Variants in RTL4 observed in about 807,000 individuals in gnomAD.
The protein encoded by RTL4 is retrotransposon Gag-like protein 4.
A neutral mutation model predicts 5.3 loss-of-function variants in RTL4; 4 were observed. The ratio of observed to expected loss-of-function variants is 0.75; its 90% CI spans 0.37 to 1.72. The LOEUF (loss-of-function observed/expected upper bound fraction) is 1.72. RTL4 is among the 40% of genes most tolerant of loss of function. The pLI is 0.04. For missense variants in RTL4, 260 were observed against 227.1 expected (o/e 1.14, Z -0.93); for synonymous variants, 98 against 87.3 (o/e 1.12, Z -0.68).
the RTL4 span, among the ~76,000 whole-genome samples, chrX:112,411,292 C>G: frequency 9.0e-6 from 1 of 111,175 alleles, no homozygotes. Context: ...AGACTTATAC[C>G]AATCCTAAGT....
the RTL4 span, among the ~76,000 whole-genome samples, chrX:112,414,584 G>C: frequency 5.4e-5 from 6 of 111,547 alleles, no homozygotes; most frequent in Middle Eastern, 4.6e-3. Flanking sequence ...CCTATGTAAG[G>C]TGAAATCCTT....
chrX:112,262,336 C>G, the RTL4 span, among the ~76,000 whole-genome samples: 1 of 110,631 alleles, frequency 9.0e-6, no homozygotes, highest in East Asian at 3.0e-4. Flanking sequence ...AGAACTCAAA[C>G]AAATTTACAA....
At chrX:112,328,200 A>G in the RTL4 span, among the ~76,000 whole-genome samples, 1 of 110,680 alleles carries the variant, frequency 9.0e-6, no homozygotes, top group African/African-American at 3.3e-5. Context: ...CAATTAAAAG[A>G]CACAGACTGG....
At chrX:112,098,486 T>G in the RTL4 span, among the ~76,000 whole-genome samples, 10 of 111,716 alleles carry the variant, frequency 9.0e-5, no homozygotes, top group South Asian at 3.8e-4. Context: ...GTAATGGGAC[T>G]GCTGGGTCAA....
chrX:112,356,722 A>G, the RTL4 span, among the ~76,000 whole-genome samples: 1 of 111,080 alleles, frequency 9.0e-6, no homozygotes, highest in Admixed American at 9.6e-5. Flanking sequence ...TCTTGTAAGT[A>G]ACTTTGCCTT....
the RTL4 span, among the ~76,000 whole-genome samples, chrX:112,236,232 C>A: frequency 1.9e-5 from 2 of 107,751 alleles, no homozygotes; most frequent in Non-Finnish European, 3.8e-5. Flanking sequence ...TTGCCTATTC[C>A]TATTTGCATT....
At chrX:112,328,926 T>A in the RTL4 span, among the ~76,000 whole-genome samples, 1 of 111,536 alleles carries the variant, frequency 9.0e-6, no homozygotes, top group Non-Finnish European at 1.9e-5. Context: ...CATAACGAAA[T>A]GAAGGCAAAA....
At chrX:112,427,979 A>G in the RTL4 span, among the ~76,000 whole-genome samples, 1 of 107,053 alleles carries the variant, frequency 9.3e-6, no homozygotes, top group Non-Finnish European at 1.9e-5. Flanking sequence ...ACACATTTGC[A>G]TCCTCATAGC....
chrX:112,089,764 A>G, the RTL4 span, among the ~76,000 whole-genome samples: 2 of 111,564 alleles, frequency 1.8e-5, no homozygotes, highest in Non-Finnish European at 3.8e-5. Context: ...GCAGATCAGC[A>G]TTTCCATTTC....
At chrX:112,141,909 A>C in the RTL4 span, among the ~76,000 whole-genome samples, 2 of 111,970 alleles carry the variant, frequency 1.8e-5, no homozygotes, top group Non-Finnish European at 3.8e-5. Context: ...GGGTTTTGGA[A>C]TCTTTATCAC....
At chrX:112,136,285 T>C in the RTL4 span, among the ~76,000 whole-genome samples, 2 of 111,881 alleles carry the variant, frequency 1.8e-5, no homozygotes, top group East Asian at 5.6e-4. Flanking sequence ...GAGATAATTG[T>C]CCTTCTTACT....
exon 1 of RTL4, chrX:112,456,343 G>A: frequency 3.2e-6 from 1 of 308,654 alleles, no homozygotes; most frequent in Non-Finnish European, 5.9e-6. Flanking sequence ...CAGATTGAAT[G>A]GGCATTTGAA....
chrX:112,254,738 A>G, the RTL4 span, among the ~76,000 whole-genome samples: 20 of 111,645 alleles, frequency 1.8e-4, no homozygotes, highest in Admixed American at 1.5e-3. Context: ...GACAAGAAAT[A>G]AACAAGAAAG....
chrX:112,201,808 G>T, the RTL4 span, among the ~76,000 whole-genome samples: 1 of 111,735 alleles, frequency 8.9e-6, no homozygotes, highest in Admixed American at 9.5e-5. Context: ...ACGTGCTGTT[G>T]TAAGAAATAA....
chrX:112,447,093 T>G, the RTL4 span, among the ~76,000 whole-genome samples: 34,623 of 110,831 alleles, frequency 0.31, 4,390 homozygotes, highest in African/African-American at 0.48. Flanking sequence ...CTGCAATAAC[T>G]AATTGCAAGT....
the RTL4 span, among the ~76,000 whole-genome samples, chrX:112,243,229 T>G: frequency 9.0e-6 from 1 of 111,637 alleles, no homozygotes; most frequent in African/African-American, 3.3e-5. Context: ...TTAGGGAGGA[T>G]TCCCTCTTTT....
At chrX:112,348,184 G>A in the RTL4 span, among the ~76,000 whole-genome samples, 1 of 108,727 alleles carries the variant, frequency 9.2e-6, no homozygotes, top group Non-Finnish European at 1.9e-5. Context: ...CCTGGCCTTC[G>A]GTTTTTATGT....
the RTL4 span, among the ~76,000 whole-genome samples, chrX:112,103,789 T>C: frequency 9.0e-6 from 1 of 111,062 alleles, no homozygotes; most frequent in African/African-American, 3.3e-5. Flanking sequence ...TAAAATTATA[T>C]GTATTTATTG....
chrX:112,111,887 C>A, the RTL4 span, among the ~76,000 whole-genome samples: 1 of 111,898 alleles, frequency 8.9e-6, no homozygotes, highest in Non-Finnish European at 1.9e-5. Flanking sequence ...GGTTCTCTAT[C>A]CTCTGGGAGA....
Sources: gnomAD v4.1 joint callset for allele counts (sites outside exome capture counted in the v4.1 genomes callset) on GRCh38, gnomAD v4.1.1 for gene constraint, MANE v1.5 for transcripts, NCBI Gene and HGNC (gene_info 2026-07-23, HGNC 2026-07-21) for gene names.